PIEZO1: variants seen among roughly 807,000 people sequenced by gnomAD.
PIEZO1 encodes piezo-type mechanosensitive ion channel component 1.
A neutral mutation model predicts 297.2 loss-of-function variants in PIEZO1; 296 were observed. The observed-to-expected ratio is 1.00, with a 90% CI of 0.91 to 1.10. The LOEUF is 1.10. Ranked by LOEUF, PIEZO1 falls within the 50% of genes least tolerant of loss-of-function variation. The pLI, the probability that PIEZO1 is intolerant of heterozygous loss-of-function variation, is 0.00. For missense variants in PIEZO1, 5,018 were observed against 3,455.5 expected, an observed-to-expected ratio of 1.45 and a Z score of -11.34; for synonymous variants, 2,427 against 1,507.5, an observed-to-expected ratio of 1.61 and a Z score of -14.13.
At chr16:88,754,497 G>A (rs1906556939) in intron 1 of PIEZO1, among the ~76,000 whole-genome samples, 1 of 152,200 alleles carries the variant, frequency 6.6e-6, no homozygotes, top group African/African-American at 2.4e-5. Flanking sequence ...GCCCGGGTGG[G>A]AGAGGAGAAA....
rs1911951795 is a variant in PIEZO1 at position 88,715,681 on chromosome 16, T to A, written c.7490A>T (p.Glu2497Val). 1 of 1,550,166 alleles carries A rather than the reference T, an allele frequency of 6.5e-7. No individual in the cohort carries two copies. Among genetic ancestry groups the A allele is most frequent in the Non-Finnish European group, 8.7e-7 (1 of 1,146,812 alleles). The change falls in exon 51 of 51, where the codon GAG (glutamate) becomes GTG (valine). Residue 2497 changes from glutamate to valine, a missense_variant. Glu to Val is a moderately radical substitution (Grantham distance 121, BLOSUM62 -2). Coordinates refer to ENST00000301015, the MANE Select transcript of PIEZO1 (RefSeq NM_001142864.4). ...VRETRELELE[E>V]ELYAKLIFLY... ...GAAGATGAGCTTGGCGTACAACTCC[T>A]CCTCCAGCTCCAGCTCCCGAGTCTC...
rs1315355781 is a variant in PIEZO1, at chr16:88,725,083, G to T, written c.4163-3C>A. On this transcript the variant is annotated splice_region_variant and splice_polypyrimidine_tract_variant and intron_variant, in intron 29 of 50. Coordinates refer to ENST00000301015, the MANE Select transcript of PIEZO1 (RefSeq NM_001142864.4). ...GGAGCCCCCTGGACTGTCGGGCCCT[G>T]TGGAGGGGCAGGGTGAGCATGAGGC... is the stretch of plus-strand genomic sequence containing the variant. 57 of 1,510,912 alleles carry T rather than the reference G, an allele frequency of 3.8e-5. No individual in the cohort carries two copies. Among genetic ancestry groups the T allele is most frequent in the Non-Finnish European group, 4.9e-5 (56 of 1,132,394 alleles). The allele number at this position is 1,510,912 out of a possible 1,614,324, so 93.6% of individuals were successfully genotyped here. A position where few individuals can be genotyped will look rare whatever the true frequency, so the allele number is the denominator to read the frequency against.
chr16:88,775,421 G>A (rs938914280), intron 1 of PIEZO1, among the ~76,000 whole-genome samples: 2 of 152,224 alleles, frequency 1.3e-5, no homozygotes, highest in African/African-American at 4.8e-5. Flanking sequence ...TGAATGAAAT[G>A]CCTGCTCTTA....
rs4040061 is a variant in PIEZO1 at position 88,741,454 on chromosome 16, C to T, written c.465+24G>A. ...CAGCTCTCGAATGACCTCCCTGACA[C>T]ACGGGTGACGCAGCTGCCCTCACCA... is the stretch of plus-strand genomic sequence containing the variant. On this transcript the variant is annotated intron_variant, in intron 5 of 50. Coordinates refer to ENST00000301015, the MANE Select transcript of PIEZO1 (RefSeq NM_001142864.4). 0.017 allele frequency: 25,858 copies of T among 1,523,578 alleles called. 3,574 individuals carry two copies. The African/African-American group carries it at 0.31, about 18-fold the overall frequency. 94.4% of individuals were successfully genotyped at this position (1,523,578 alleles called of 1,614,324 possible).
intron 1 of PIEZO1, among the ~76,000 whole-genome samples, chr16:88,751,791 C>A (rs1906403409): frequency 1.3e-5 from 2 of 152,270 alleles, no homozygotes; most frequent in South Asian, 4.1e-4. Context: ...CGGGTGAGTT[C>A]TGCCCCAGTC....
At position 88,738,045 on chromosome 16, in the gene PIEZO1, G is replaced by A. The variant is rs1905367920; in HGVS notation, c.909C>T (p.Val303=). ...PTNCSSPHAL[V]LNTGLDWPVY... The stretch of plus-strand genomic sequence containing the variant: ...CAGGCCAGTCCAGGCCGGTGTTGAG[G>A]ACCAGCGCGTGGGGGCTGGAGCAGT... The change falls in exon 8 of 51, where the codon GTC becomes GTT. Residue 303 remains valine (V), a synonymous_variant. Coordinates refer to ENST00000301015, the MANE Select transcript of PIEZO1 (RefSeq NM_001142864.4). 6.5e-7 allele frequency: 1 copy of A among 1,535,760 alleles called. No individual in the cohort carries two copies. Among genetic ancestry groups the A allele is most frequent in the Non-Finnish European group, 8.7e-7 (1 of 1,146,782 alleles).
intron 2 of PIEZO1, chr16:88,743,416 A>G (rs987204302): frequency 2.3e-6 from 1 of 440,344 alleles, no homozygotes. Context: ...CTCCTGCACC[A>G]CCAGCCACGC....
At chr16:88,776,745 T>C (rs1430674974) in intron 1 of PIEZO1, among the ~76,000 whole-genome samples, 2 of 152,236 alleles carry the variant, frequency 1.3e-5, no homozygotes, top group Non-Finnish European at 2.9e-5. Context: ...ACTGTGGGGC[T>C]GGACCCTGGC....
chr16:88,775,082 C>A (rs960322777), intron 1 of PIEZO1, among the ~76,000 whole-genome samples: 1 of 152,206 alleles, frequency 6.6e-6, no homozygotes, highest in Non-Finnish European at 1.5e-5. Context: ...AGTTCCCGGC[C>A]GTACCCGTGA....
At position 88,734,655 on chromosome 16, in the gene PIEZO1, G is replaced by A. The variant is rs1052343085; in HGVS notation, c.1992C>T (p.Asp664=). ...CCGCCCCAGCCTGGACTCACTGCTC[G>A]TCGGTGAAGCCAGTGAGGTTGCGCC... ...AYWRNLTGFT[D]EQLGDLGLEQ... is the part of the protein sequence containing the mutation. Residue 664 remains aspartate (D), a synonymous_variant, in exon 15 of 51, where the codon GAC becomes GAT. Coordinates refer to ENST00000301015, the MANE Select transcript of PIEZO1 (RefSeq NM_001142864.4). 7.7e-6 allele frequency: 12 copies of A among 1,550,118 alleles called. No individual in the cohort carries two copies. Among genetic ancestry groups the A allele is most frequent in the African/African-American group, 4.1e-5 (3 of 73,058 alleles).
chr16:88,717,258 C>T (rs372737483), intron 44 of PIEZO1, 47 bp from the exon 45 acceptor site: 53 of 1,505,692 alleles, frequency 3.5e-5, no homozygotes, highest in East Asian at 9.8e-5. Flanking sequence ...GCCCTTCCTG[C>T]GGGTCACACA....
rs1277130745 is a variant in PIEZO1 at position 88,721,779 on chromosome 16, G to A, written c.5214+29C>T. ...GGAGGGTCACGGCGCGGTGGGCCGG[G>A]CGCCCCCTCCCCCGCGGCCTCGGCC... On this transcript the variant is annotated intron_variant, in intron 37 of 50. Transcript: ENST00000301015. 6 of 1,537,026 alleles carry A rather than the reference G, an allele frequency of 3.9e-6. No individual in the cohort carries two copies. In the East Asian group the frequency reaches 1.5e-4, roughly 38 times the overall value.
chr16:88,717,003 G>C lies in PIEZO1; in HGVS notation c.6660+20C>G, dbSNP rs1435572273. On this transcript the variant is annotated intron_variant, in intron 45 of 50. Transcript: ENST00000301015. ...ACCCCCAGGGGATGGGAATGGACAGGCGGACCCACACATGCTCACCTCATA... is the reference window on the plus strand; with the variant it reads ...ACCCCCAGGGGATGGGAATGGACAGCCGGACCCACACATGCTCACCTCATA... 6.5e-7 allele frequency: 1 copy of C among 1,549,800 alleles called. No homozygotes were observed.
intron 1 of PIEZO1, among the ~76,000 whole-genome samples, chr16:88,783,264 A>G (rs972090838): frequency 4.6e-5 from 7 of 152,386 alleles, no homozygotes; most frequent in Admixed American, 2.0e-4. Flanking sequence ...CATGTGCCAC[A>G]GAATCGGGCT....
chr16:88,717,174 A>G lies in PIEZO1; in HGVS notation c.6509T>C (p.Ile2170Thr), dbSNP rs1567657497. 1 of 1,550,542 alleles carries G rather than the reference A, an allele frequency of 6.4e-7. No homozygotes were observed. Among genetic ancestry groups the G allele is most frequent in the South Asian group, 1.2e-5 (1 of 84,064 alleles). ...PQPKGQKKKK[I>T]VKYGMGGLII... ...GAGGCCACCCATGCCGTACTTGACG[A>G]TCTTCTTCTTCTTCTGCCCTTTGGG... The change falls in exon 45 of 51, where the codon ATC becomes ACC. Residue 2170 changes from isoleucine (I) to threonine (T), a missense_variant. Physicochemically the swap from Ile to Thr is moderately conservative, Grantham distance 89. Transcript: ENST00000301015.
At position 88,725,440 on chromosome 16, in the gene PIEZO1, G is replaced by C. The variant is rs997375011; in HGVS notation, c.4138C>G (p.Pro1380Ala). ...CCTGGCTCCAGGCCGGGGTCCTTGG[G>C]GCCCAGGGTGTCCTGGGGGCGACTG... The part of the protein sequence containing the change: ...DRSRPQDTLG[P>A]KDPGLEPGPD... Residue 1380 changes from proline (P) to alanine (A), a missense_variant, in exon 29 of 51, where the codon CCC becomes GCC. Physicochemically the swap from Pro to Ala is conservative, Grantham distance 27. Transcript: ENST00000301015. The C allele has an allele frequency of 2.0e-6, 3 of 1,477,400 alleles. No homozygotes were observed. Among genetic ancestry groups the C allele is most frequent in the Admixed American group, 4.8e-5 (2 of 42,038 alleles). The allele number at this position is 1,477,400 out of a possible 1,614,324, so 91.5% of individuals were successfully genotyped here. A position where few individuals can be genotyped will look rare whatever the true frequency, so the allele number is the denominator to read the frequency against.
At chr16:88,763,126 A>C (rs1907005967) in intron 1 of PIEZO1, among the ~76,000 whole-genome samples, 1 of 152,170 alleles carries the variant, frequency 6.6e-6, no homozygotes, top group African/African-American at 2.4e-5. Context: ...TCATGATTCA[A>C]GCCTGCCCAG....
intron 2 of PIEZO1, chr16:88,743,562 A>C (rs1319060521): frequency 8.8e-6 from 4 of 456,540 alleles, no homozygotes; most frequent in South Asian, 1.5e-5. Flanking sequence ...CTCGGGGCGC[A>C]AACTCAGGGC....
chr16:88,724,556 G>C (rs9930017), intron 30 of PIEZO1, among the ~76,000 whole-genome samples: 32,818 of 149,694 alleles, frequency 0.22, 4,402 homozygotes, highest in East Asian at 0.66. Flanking sequence ...AAGGCCTGGA[G>C]TGGGGCACAT....
Sources: gnomAD v4.1 joint callset for allele counts (sites outside exome capture counted in the v4.1 genomes callset) on GRCh38, gnomAD v4.1.1 for gene constraint, MANE v1.5 for transcripts, NCBI Gene and HGNC (gene_info 2026-07-23, HGNC 2026-07-21) for gene names.